Variants in GSE1 observed in about 807,000 individuals in gnomAD.
The protein encoded by GSE1 is Gse1 coiled-coil protein, also known as genetic suppressor element 1.
In GSE1, 32 loss-of-function variants were observed where a neutral mutation model predicts 112.6. The observed-to-expected ratio is 0.28, with a 90% CI of 0.21 to 0.38. The LOEUF (loss-of-function observed/expected upper bound fraction) is 0.38, where lower values mean the gene tolerates loss of function less well. Ranked by LOEUF, GSE1 falls within the 10% of genes least tolerant of loss-of-function variation. GSE1 has a pLI of 1.00. For synonymous variants in GSE1, 1,115 were observed against 735.6 expected, an observed-to-expected ratio of 1.52 and a Z score of -8.35; for missense variants, 2,348 against 1,699.2, an observed-to-expected ratio of 1.38 and a Z score of -6.71.
chr16:85,226,032 C>T (rs1375464593), intron 1 of GSE1, among the ~76,000 whole-genome samples: 1 of 152,160 alleles, frequency 6.6e-6, no homozygotes. Context: ...GAAATGTCCC[C>T]ACATTAGGGC....
chr16:85,273,850 C>T (rs951110173), intron 1 of GSE1, among the ~76,000 whole-genome samples: 11 of 150,534 alleles, frequency 7.3e-5, no homozygotes, highest in African/African-American at 2.5e-4. Context: ...CCACGACACT[C>T]GGCTAATTTT....
At chr16:85,353,628 A>G (rs1490904157) in intron 1 of GSE1, among the ~76,000 whole-genome samples, 2 of 152,180 alleles carry the variant, frequency 1.3e-5, no homozygotes, top group African/African-American at 4.8e-5. Context: ...GAGCCCAGGA[A>G]TTCAAGGCCA....
intron 1 of GSE1, among the ~76,000 whole-genome samples, chr16:85,192,497 C>T (rs930593014): frequency 4.6e-5 from 7 of 152,190 alleles, no homozygotes; most frequent in South Asian, 2.1e-4. Flanking sequence ...TATGGCCGCC[C>T]GTTGCTGGGT....
At chr16:85,568,896 G>A (rs922931339) in intron 1 of GSE1, among the ~76,000 whole-genome samples, 1 of 152,204 alleles carries the variant, frequency 6.6e-6, no homozygotes, top group Non-Finnish European at 1.5e-5. Flanking sequence ...TGCAGAAGGA[G>A]CCGGAAGCTC....
intron 1 of GSE1, among the ~76,000 whole-genome samples, chr16:85,246,341 C>G (rs1301496772): frequency 8.7e-6 from 1 of 115,112 alleles, no homozygotes; most frequent in Non-Finnish European, 1.8e-5. Context: ...ACCCCCCACA[C>G]GCTGTCTACA....
chr16:85,514,423 G>A (rs2051852479), intron 2 of GSE1, among the ~76,000 whole-genome samples: 1 of 107,528 alleles, frequency 9.3e-6, no homozygotes, highest in African/African-American at 4.0e-5. Flanking sequence ...GCATGCTCTC[G>A]AGTCCCCCCC....
intron 1 of GSE1, among the ~76,000 whole-genome samples, chr16:85,205,779 T>G (rs35205163): frequency 0.21 from 31,681 of 152,106 alleles, 3,718 homozygotes; most frequent in African/African-American, 0.33. Context: ...ATCTGTGAAA[T>G]CCTCGCAGAC....
At chr16:85,537,866 TTG>T (rs1284956535) in intron 2 of GSE1, among the ~76,000 whole-genome samples, 1 of 152,066 alleles carries the variant, frequency 6.6e-6, no homozygotes, top group African/African-American at 2.4e-5. Context: ...TCTATGGAGT[TTG>T]TGTTTGAGTA....
At chr16:85,383,068 CACAT>C (rs1238675537) in intron 2 of GSE1, among the ~76,000 whole-genome samples, 3 of 147,844 alleles carry the variant, frequency 2.0e-5, no homozygotes, top group African/African-American at 7.9e-5. Context: ...CGCACACACA[CACAT>C]GTAATCACAG....
rs748803903 is a variant in GSE1, at chr16:85,253,058, G to GCCCCC, written c.2283+81257_2283+81261dup. ...GCGGCTCCAGCTCATAGGCGCCCCC[G>GCCCCC]CCCCCCCCCCACCCCCCCCCCCCCA... On this transcript the variant is annotated intron_variant, in intron 1 of 2. Coordinates refer to the GSE1 transcript ENST00000637419. 7.2e-3 allele frequency among the ~76,000 whole-genome samples: 338 copies of GCCCCC among 47,134 alleles called. 2 individuals carry two copies. Among genetic ancestry groups the GCCCCC allele is most frequent in the Admixed American group, 0.02 (71 of 3,618 alleles). 30.9% of individuals were successfully genotyped at this position (47,134 alleles called of 152,430 possible).
intron 2 of GSE1, among the ~76,000 whole-genome samples, chr16:85,387,981 T>G (rs1460478450): frequency 1.6e-5 from 2 of 124,858 alleles, no homozygotes; most frequent in Middle Eastern, 3.8e-3. Context: ...GATGGGTGAG[T>G]GGATGGGTGG....
chr16:85,556,486 C>T (rs1394596413), intron 1 of GSE1: 1 of 219,084 alleles, frequency 4.6e-6, no homozygotes, highest in African/African-American at 2.4e-5. Context: ...CGCCGGTGCC[C>T]CCCGCAGACG....
At chr16:85,360,409 TCTGCCAGCTG>T (rs1453941543) in intron 2 of GSE1, among the ~76,000 whole-genome samples, 1 of 152,126 alleles carries the variant, frequency 6.6e-6, no homozygotes, top group Non-Finnish European at 1.5e-5. Flanking sequence ...CGAACCTGCG[TCTGCCAGCTG>T]CTCCCTGTCA....
chr16:85,667,974 CAG>C (rs2053013901), intron 13 of GSE1, among the ~76,000 whole-genome samples, 164 bp from the exon 14 acceptor site: 1 of 67,776 alleles, frequency 1.5e-5, no homozygotes, highest in Non-Finnish European at 3.1e-5. Context: ...TCAAGTGGCC[CAG>C]AGGCCTTGGG....
At chr16:85,552,150 C>T (rs903086257), upstream of GSE1, among the ~76,000 whole-genome samples, 1 of 152,012 alleles carries the variant, frequency 6.6e-6, no homozygotes, top group African/African-American at 2.4e-5. Flanking sequence ...CTCAGCCTCC[C>T]CAGAAGCTGG....
intron 1 of GSE1, among the ~76,000 whole-genome samples, chr16:85,318,776 C>T (rs568129409): frequency 6.6e-6 from 1 of 152,208 alleles, no homozygotes; most frequent in African/African-American, 2.4e-5. Flanking sequence ...CAGCTTCTCA[C>T]CCCCAATGAC....
intron 2 of GSE1, among the ~76,000 whole-genome samples, chr16:85,471,163 C>T (rs980955978): frequency 5.5e-4 from 84 of 152,184 alleles, no homozygotes; most frequent in Non-Finnish European, 1.2e-4. Context: ...CCGACCCCTG[C>T]CCAGAGACGC....
chr16:85,492,448 G>T (rs1884344610), intron 2 of GSE1, among the ~76,000 whole-genome samples: 1 of 152,184 alleles, frequency 6.6e-6, no homozygotes, highest in Admixed American at 6.5e-5. Context: ...GGCAACAGCA[G>T]TAAATGCTTA....
At chr16:85,536,966 G>A (rs17801812) in intron 2 of GSE1, among the ~76,000 whole-genome samples, 40,518 of 152,102 alleles carry the variant, frequency 0.27, 5,756 homozygotes, top group African/African-American at 0.38. Flanking sequence ...AGAGCAGGAC[G>A]CCTGACGTGG....
Sources: gnomAD v4.1 joint callset for allele counts (sites outside exome capture counted in the v4.1 genomes callset) on GRCh38, gnomAD v4.1.1 for gene constraint, MANE v1.5 for transcripts, NCBI Gene and HGNC (gene_info 2026-07-23, HGNC 2026-07-21) for gene names.